The following CACNA1B variants were observed in gnomAD, a reference collection of about 807,000 sequenced individuals.
CACNA1B encodes the protein calcium voltage-gated channel subunit alpha1 B, also known as voltage-dependent N-type calcium channel subunit alpha-1B.
CACNA1B carries 70 observed loss-of-function variants against 247.2 expected under a neutral mutation model. That is an observed-to-expected ratio of 0.28 (90% CI 0.23 to 0.35). The LOEUF (loss-of-function observed/expected upper bound fraction) is 0.35. Among genes scored for constraint, CACNA1B ranks in the 10% least tolerant of loss-of-function variants. The probability of loss-of-function intolerance (pLI) is 1.00; values close to 1 mark genes in which losing one functional copy is unlikely to be tolerated. For synonymous variants in CACNA1B, 1,231 were observed against 1,294.4 expected (o/e 0.95, Z 1.05); for missense variants, 2,367 against 3,197.4 (o/e 0.74, Z 6.26).
rs1233562328 is a variant in CACNA1B at position 138,023,539 on chromosome 9, C to T, written c.2796C>T (p.Pro932=). The T allele has an allele frequency of 1.0e-4, 110 of 1,082,290 alleles. No homozygotes were observed. The highest frequency in any genetic ancestry group is 1.2e-4 in the Non-Finnish European group (106 of 890,162). 67.0% of individuals were successfully genotyped at this position (1,082,290 alleles called of 1,614,324 possible). A position where few individuals can be genotyped will look rare whatever the true frequency, so the allele number is the denominator to read the frequency against. The change falls in exon 19 of 47, where the codon CCC becomes CCT. Residue 932 remains proline, a synonymous_variant. Coordinates refer to ENST00000371372, the MANE Select transcript of CACNA1B (RefSeq NM_000718.4). ...CGGAGGAGGCGGCCGAGCGGGAGCC[C>T]CGACGCCACCGCGCGCACCGGCACC... The part of the protein sequence containing the change: ...GSPEEAAERE[P]RRHRAHRHQD...
chr9:138,074,685 G>C (rs1960254099), intron 34 of CACNA1B, among the ~76,000 whole-genome samples: 1 of 152,264 alleles, frequency 6.6e-6, no homozygotes, highest in African/African-American at 2.4e-5. Flanking sequence ...GATGCACCGT[G>C]GTGTTCTTGA....
At position 137,955,325 on chromosome 9, in the gene CACNA1B, G is replaced by A. The variant is rs1010058585; in HGVS notation, c.1071-373G>A. Among the ~76,000 whole-genome samples, 1 of 152,216 alleles carries A rather than the reference G, an allele frequency of 6.6e-6. No individual in the cohort carries two copies. Among genetic ancestry groups the A allele is most frequent in the African/African-American group, 2.4e-5 (1 of 41,456 alleles). On this transcript the variant is annotated intron_variant, in intron 7 of 46. Transcript: ENST00000371372. This position sits in a 1 kb window ranked among gnomAD's most constrained non-coding sequence, Gnocchi z 6.9. ...TGGAGGACAGCAGATAACAGAGCCT[G>A]GCACAAGGGGAGGGAGGAGGCGCAT...
Position 138,059,991 on chromosome 9 carries a change from T to C in CACNA1B, c.4668+254T>C, listed in dbSNP as rs1589103694. On this transcript the variant is annotated intron_variant, in intron 31 of 46. Transcript: ENST00000371372. The surrounding 1 kb of genome is among the most constrained non-coding windows in gnomAD (Gnocchi z 4.2). Reference sequence around the variant, plus strand: ...GGCCTGAGAGTTACCTGGAGCTCCATGGTAACAACTAATCAAGAAGATGTG... The same window carrying C: ...GGCCTGAGAGTTACCTGGAGCTCCACGGTAACAACTAATCAAGAAGATGTG... Among the ~76,000 whole-genome samples the C allele has an allele frequency of 2.0e-5, 3 of 152,348 alleles. No homozygotes were observed. The Middle Eastern group carries it at 0.01, about 518-fold the overall frequency.
chr9:137,967,667 A>T (rs1171299297), intron 10 of CACNA1B, among the ~76,000 whole-genome samples: 1 of 151,966 alleles, frequency 6.6e-6, no homozygotes, highest in East Asian at 1.9e-4. Context: ...GAGGAGCGAG[A>T]TCCAGGCTGC....
chr9:138,030,008 A>G (rs1261804413), intron 20 of CACNA1B, among the ~76,000 whole-genome samples: 1 of 152,218 alleles, frequency 6.6e-6, no homozygotes. Context: ...TCCAGAGAGT[A>G]TAAGGCATCT....
intron 10 of CACNA1B, among the ~76,000 whole-genome samples, chr9:137,962,856 C>T (rs1367053679): frequency 2.6e-5 from 4 of 152,068 alleles, no homozygotes; most frequent in African/African-American, 7.2e-5. Flanking sequence ...ATGTATATTA[C>T]GTTGTCTTTG....
chr9:138,101,640 C>T (rs966845608), intron 37 of CACNA1B, among the ~76,000 whole-genome samples: 2 of 152,242 alleles, frequency 1.3e-5, no homozygotes, highest in Non-Finnish European at 2.9e-5. Flanking sequence ...CTCTCCAGTC[C>T]CTGGGGGAGG....
intron 6 of CACNA1B, among the ~76,000 whole-genome samples, chr9:137,924,356 CTTCCCTCCCTCT>C (rs1452951952): frequency 6.6e-6 from 1 of 150,546 alleles, no homozygotes; most frequent in African/African-American, 2.4e-5. Flanking sequence ...TCCCTCCCTC[CTTCCCTCCCTCT>C]TTCCCCTCCT....
At position 137,952,204 on chromosome 9, in the gene CACNA1B, TG is replaced by T. The variant is rs1284382451; in HGVS notation, c.967-65del. 1.2e-4 allele frequency: 155 copies of T among 1,240,218 alleles called. No individual in the cohort carries two copies. Among genetic ancestry groups the T allele is most frequent in the Non-Finnish European group, 1.7e-4 (142 of 844,428 alleles). 76.8% of individuals were successfully genotyped at this position (1,240,218 alleles called of 1,614,324 possible). ...TCTGAGAAGGAGGCCTGTTGGGGGC[TG>T]GGGGTGCTCCTGTGGCCGGGACTGT... On this transcript the variant is annotated intron_variant, in intron 6 of 46. Transcript: ENST00000371372. This position sits in a 1 kb window ranked among gnomAD's most constrained non-coding sequence, Gnocchi z 4.8.
intron 40 of CACNA1B, among the ~76,000 whole-genome samples, chr9:138,113,676 G>A (rs1961745053): frequency 7.7e-6 from 1 of 130,300 alleles, no homozygotes; most frequent in Non-Finnish European, 1.6e-5. Context: ...TGTGGGAGAC[G>A]TGAGGGAGCG....
intron 18 of CACNA1B, among the ~76,000 whole-genome samples, chr9:138,017,948 G>C (rs1027028227): frequency 1.3e-4 from 15 of 118,530 alleles, no homozygotes; most frequent in African/African-American, 4.9e-4. Flanking sequence ...GTGCAGTTAG[G>C]CCACCTGCCC....
chr9:137,917,290 G>T lies in CACNA1B; in HGVS notation c.825G>T (p.Arg275=). ...DFPCGKEAPA[R]LCEGDTECRE... ...CCTGTGGCAAGGAGGCCCCAGCCCG[G>T]CTGTGCGAGGGCGACACTGAGTGCC... The change falls in exon 6 of 47, where the codon CGG becomes CGT. Residue 275 remains arginine, a synonymous_variant. Transcript: ENST00000371372. The surrounding 1 kb of genome is among the most constrained non-coding windows in gnomAD (Gnocchi z 5.5). The T allele has an allele frequency of 6.2e-7, 1 of 1,613,894 alleles. No individual in the cohort carries two copies. Among genetic ancestry groups the T allele is most frequent in the African/African-American group, 1.3e-5 (1 of 75,038 alleles).
At chr9:137,879,209 C>A (rs200882329) in intron 2 of CACNA1B, 50 bp downstream of exon 2, 25 of 1,196,740 alleles carry the variant, frequency 2.1e-5, no homozygotes, top group Non-Finnish European at 3.0e-5. Context: ...GGCCGCGACT[C>A]CACTTTCCTT....
In CACNA1B at chr9:138,120,281, G is replaced by C. The variant is rs201941882; in HGVS notation, c.6147G>C (p.Ser2049=). ...GCCCACCCCCTAGCCAGGCGTCGTC[G>C]CACCACCACCACCACCGCTGCCACC... The part of the protein sequence containing the change: ...PDRPPPSQAS[S]HHHHHRCHRR... Residue 2049 remains serine (S), a synonymous_variant, in exon 45 of 47, where the codon TCG becomes TCC. Coordinates refer to ENST00000371372, the MANE Select transcript of CACNA1B (RefSeq NM_000718.4). 1.9e-4 allele frequency: 307 copies of C among 1,580,524 alleles called. 2 individuals are homozygous for C. The East Asian group carries it at 6.1e-3, about 31-fold the overall frequency.
At chr9:138,040,621 G>C (rs768992185) in intron 20 of CACNA1B, 5 of 430,500 alleles carry the variant, frequency 1.2e-5, no homozygotes, top group African/African-American at 1.0e-4. Flanking sequence ...CTTGGAGTCC[G>C]ATGTTCGAGG....
chr9:138,078,074 A>C (rs1355881219), intron 35 of CACNA1B, 40 bp from the exon 36 acceptor site: 4 of 1,602,454 alleles, frequency 2.5e-6, no homozygotes, highest in Non-Finnish European at 3.4e-6. Context: ...GGCTCCCTCA[A>C]GGGCCTCTGT....
At chr9:138,006,292 C>T (rs2133412364) in intron 15 of CACNA1B, among the ~76,000 whole-genome samples, 1 of 152,224 alleles carries the variant, frequency 6.6e-6, no homozygotes, top group Middle Eastern at 3.4e-3. Flanking sequence ...TTGCATTTAG[C>T]CAGGCTGTGA....
intron 3 of CACNA1B, among the ~76,000 whole-genome samples, chr9:137,898,485 G>C (rs971823036): frequency 2.0e-4 from 30 of 151,892 alleles, no homozygotes; most frequent in Admixed American, 1.2e-3. Flanking sequence ...AGGCTCTGTT[G>C]TTCTTCTTCT....
rs574199804 is a variant in CACNA1B, at chr9:138,073,996, C to T, written c.4792-5C>T. 9.3e-6 allele frequency: 15 copies of T among 1,610,778 alleles called. No individual in the cohort carries two copies. Among genetic ancestry groups the T allele is most frequent in the Admixed American group, 5.0e-5 (3 of 60,020 alleles). ...CCTGTAGCTGACCGGCCCCTGTCTC[C>T]GCAGGCCCTGCCCTACGTGTGTCTG... is the stretch of plus-strand genomic sequence containing the variant. On this transcript the variant is annotated splice_region_variant and splice_polypyrimidine_tract_variant and intron_variant, in intron 33 of 46. Coordinates refer to ENST00000371372, the MANE Select transcript of CACNA1B (RefSeq NM_000718.4). The surrounding 1 kb of genome is among the most constrained non-coding windows in gnomAD (Gnocchi z 6.4).
Sources: allele counts gnomAD v4.1 joint callset (sites outside exome capture counted in the v4.1 genomes callset), GRCh38; gene constraint gnomAD v4.1.1; non-coding constraint Gnocchi (gnomAD v3.1); transcripts MANE v1.5; gene names NCBI Gene and HGNC (gene_info 2026-07-23, HGNC 2026-07-21).